Variants in TENM3 observed in about 807,000 individuals in gnomAD.
The protein encoded by TENM3 is teneurin-3.
TENM3 carries 63 observed loss-of-function variants against 255.1 expected under a neutral mutation model. The ratio of observed to expected loss-of-function variants is 0.25; its 90% CI spans 0.20 to 0.30. The LOEUF (loss-of-function observed/expected upper bound fraction) is 0.30, where lower values mean the gene tolerates loss of function less well. Among genes scored for constraint, TENM3 ranks in the 10% least tolerant of loss-of-function variants. The pLI is 1.00. For missense variants in TENM3, 2,929 were observed against 3,461.1 expected (o/e 0.85, Z 3.86); for synonymous variants, 1,306 against 1,322.3 (o/e 0.99, Z 0.27).
At chr4:181,923,143 C>T in the TENM3 span, among the ~76,000 whole-genome samples, 1 of 152,130 alleles carries the variant, frequency 6.6e-6, no homozygotes, top group East Asian at 1.9e-4. Flanking sequence ...CTGAGGAGAG[C>T]TTTATTTCCA....
At chr4:181,863,118 A>G in the TENM3 span, among the ~76,000 whole-genome samples, 1 of 152,172 alleles carries the variant, frequency 6.6e-6, no homozygotes, top group Admixed American at 6.6e-5. Context: ...CCTTAACCCT[A>G]ATTTAATACT....
chr4:182,482,077 A>G (rs965607612), intron 3 of TENM3, among the ~76,000 whole-genome samples: 1 of 152,180 alleles, frequency 6.6e-6, no homozygotes, highest in Non-Finnish European at 1.5e-5. Flanking sequence ...GTTTTTACCT[A>G]TGAACCTAAA....
intron 16 of TENM3, among the ~76,000 whole-genome samples, chr4:182,735,906 A>T (rs17073943): frequency 6.6e-6 from 1 of 151,978 alleles, no homozygotes; most frequent in African/African-American, 2.4e-5. Context: ...CTGGTAATCT[A>T]TGGGGTTAAG....
chr4:182,495,182 C>G (rs1735663680), intron 3 of TENM3, among the ~76,000 whole-genome samples: 1 of 152,134 alleles, frequency 6.6e-6, no homozygotes, highest in African/African-American at 2.4e-5. Context: ...CTGATGATAC[C>G]CCTTAAGTGC....
chr4:182,381,320 C>T (rs1042996776), intron 3 of TENM3, among the ~76,000 whole-genome samples: 2 of 152,008 alleles, frequency 1.3e-5, no homozygotes, highest in African/African-American at 4.8e-5. Context: ...ATATCTCTGT[C>T]AACATGTAAG....
intron 3 of TENM3, among the ~76,000 whole-genome samples, chr4:182,370,508 C>A (rs142723656): frequency 4.7e-4 from 72 of 152,194 alleles, no homozygotes; most frequent in African/African-American, 1.5e-3. Flanking sequence ...TTTAATCAAC[C>A]TTTTTAAAAG....
the TENM3 span, among the ~76,000 whole-genome samples, chr4:182,075,419 C>G: frequency 6.6e-6 from 1 of 151,934 alleles, no homozygotes; most frequent in Non-Finnish European, 1.5e-5. Context: ...AGGATGGTCT[C>G]GATCTCCTGA....
chr4:182,319,795 G>A (rs1762940575), intron 1 of TENM3, among the ~76,000 whole-genome samples: 3 of 152,176 alleles, frequency 2.0e-5, no homozygotes, highest in African/African-American at 7.2e-5. Flanking sequence ...TGATACAGTA[G>A]AGAGAATACT....
chr4:181,578,937 G>T, the TENM3 span, among the ~76,000 whole-genome samples: 3 of 152,096 alleles, frequency 2.0e-5, no homozygotes, highest in African/African-American at 7.2e-5. Flanking sequence ...GGGGAAGGGG[G>T]CACGATTCAG....
chr4:182,253,242 T>A (rs527866136), intron 1 of TENM3, among the ~76,000 whole-genome samples: 5 of 152,156 alleles, frequency 3.3e-5, no homozygotes, highest in Admixed American at 3.3e-4. Flanking sequence ...GAGGCCGAGG[T>A]GGGTGGGTCA....
At chr4:181,719,131 G>T in the TENM3 span, among the ~76,000 whole-genome samples, 1 of 151,738 alleles carries the variant, frequency 6.6e-6, no homozygotes, top group African/African-American at 2.4e-5. Context: ...GCGTGAACCC[G>T]GGAAGCGGAG....
chr4:181,804,188 G>A, the TENM3 span, among the ~76,000 whole-genome samples: 3 of 78,224 alleles, frequency 3.8e-5, no homozygotes, highest in Non-Finnish European at 8.5e-5. Context: ...AGAAGGGAGG[G>A]AGGGAAATAA....
intron 3 of TENM3, among the ~76,000 whole-genome samples, chr4:182,409,187 A>G (rs547902530): frequency 1.4e-4 from 22 of 152,318 alleles, no homozygotes; most frequent in African/African-American, 5.1e-4. Context: ...GGTGAAGGCC[A>G]TGCATGCATC....
chr4:181,902,122 C>T, the TENM3 span, among the ~76,000 whole-genome samples: 11 of 139,142 alleles, frequency 7.9e-5, no homozygotes, highest in African/African-American at 1.8e-4. Flanking sequence ...AGCATACACA[C>T]ACACACACAC....
the TENM3 span, among the ~76,000 whole-genome samples, chr4:181,799,837 T>C: frequency 6.6e-6 from 1 of 152,174 alleles, no homozygotes; most frequent in Non-Finnish European, 1.5e-5. Flanking sequence ...AGAATCACAA[T>C]ACAATGTGCT....
At chr4:181,660,891 A>G in the TENM3 span, among the ~76,000 whole-genome samples, 2 of 152,128 alleles carry the variant, frequency 1.3e-5, no homozygotes, top group South Asian at 2.1e-4. Flanking sequence ...ATTTCTAAGG[A>G]TTACATTCTA....
At chr4:182,246,591 C>G (rs1757665398) in intron 1 of TENM3, among the ~76,000 whole-genome samples, 1 of 152,148 alleles carries the variant, frequency 6.6e-6, no homozygotes, top group Non-Finnish European at 1.5e-5. Context: ...GATCCCATCA[C>G]GTAAGAATGT....
chr4:181,597,239 T>G, the TENM3 span, among the ~76,000 whole-genome samples: 1 of 152,282 alleles, frequency 6.6e-6, no homozygotes, highest in East Asian at 1.9e-4. Flanking sequence ...TAGGAAAAAA[T>G]TAGATTCAGT....
At chr4:182,405,430 A>C (rs1179649047) in intron 3 of TENM3, among the ~76,000 whole-genome samples, 1 of 152,228 alleles carries the variant, frequency 6.6e-6, no homozygotes, top group Non-Finnish European at 1.5e-5. Flanking sequence ...GATTGGATGC[A>C]TGTTGAGTGT....
Sources: gnomAD v4.1 joint callset for allele counts (sites outside exome capture counted in the v4.1 genomes callset) on GRCh38, gnomAD v4.1.1 for gene constraint, MANE v1.5 for transcripts, NCBI Gene and HGNC (gene_info 2026-07-23, HGNC 2026-07-21) for gene names.